Variants in TMEM50A observed in about 807,000 individuals in gnomAD.
The protein encoded by TMEM50A is cervical cancer oncogene 9.
TMEM50A carries 8 observed loss-of-function variants against 23.9 expected under a neutral mutation model. The ratio of observed to expected loss-of-function variants is 0.33; its 90% CI spans 0.20 to 0.60. The LOEUF is 0.60. Among genes scored for constraint, TMEM50A ranks in the 20% least tolerant of loss-of-function variants. The pLI is 0.81. For missense variants in TMEM50A, 178 were observed against 192.7 expected (o/e 0.92, Z 0.45); for synonymous variants, 55 against 60.4 (o/e 0.91, Z 0.41).
At chr1:25,348,756 T>C (rs866064201) in intron 3 of TMEM50A, among the ~76,000 whole-genome samples, 21 of 152,300 alleles carry the variant, frequency 1.4e-4, no homozygotes, top group Middle Eastern at 6.8e-3. Flanking sequence ...ACTATAACAT[T>C]TTGACAGATA....
At chr1:25,352,770 C>A in intron 4 of TMEM50A, 112 bp from the exon 5 acceptor site, 1 of 886,030 alleles carries the variant, frequency 1.1e-6, no homozygotes, top group Non-Finnish European at 1.7e-6. Flanking sequence ...TCACGTTAGA[C>A]TTTAATGGCA....
rs773754427 is a variant in TMEM50A at position 25,343,007 on chromosome 1, C to T, written c.140C>T (p.Pro47Leu). Residue 47 changes from proline (P) to leucine (L), a missense_variant, in exon 3 of 7, where the codon CCC becomes CTC. Pro to Leu is a moderately conservative substitution (Grantham distance 98). Coordinates refer to ENST00000374358, the MANE Select transcript of TMEM50A (RefSeq NM_014313.4). ...ATCATAGATGCAGCTGTTATTTATC[C>T]CACCATGAAAGATTTCAACCACTCA... ...WIIIDAAVIY[P>L]TMKDFNHSYH... 6.2e-7 allele frequency: 1 copy of T among 1,613,350 alleles called. No individual in the cohort carries two copies. The highest frequency in any genetic ancestry group is 8.5e-7 in the Non-Finnish European group (1 of 1,179,730).
chr1:25,359,669 T>C (rs1645373940), intron 6 of TMEM50A, among the ~76,000 whole-genome samples: 1 of 152,206 alleles, frequency 6.6e-6, no homozygotes, highest in Non-Finnish European at 1.5e-5. Context: ...CAAATTCCTG[T>C]CATACTAGTC....
At chr1:25,358,955 A>G (rs1214149657) in intron 6 of TMEM50A, among the ~76,000 whole-genome samples, 4 of 152,202 alleles carry the variant, frequency 2.6e-5, no homozygotes, top group Admixed American at 6.5e-5. Flanking sequence ...GGGTTTTGCC[A>G]TGTTGCCCAG....
At position 25,342,996 on chromosome 1, in the gene TMEM50A, T is replaced by C; in HGVS notation, c.129T>C (p.Ala43=). 1 of 1,613,812 alleles carries C rather than the reference T, an allele frequency of 6.2e-7. No homozygotes were observed. ...GCTGGTGGATTATCATAGATGCAGC[T>C]GTTATTTATCCCACCATGAAAGATT... is the stretch of plus-strand genomic sequence containing the variant. The part of the protein sequence containing the change: ...FTGWWIIIDA[A]VIYPTMKDFN... Residue 43 remains alanine (A), a synonymous_variant, in exon 3 of 7, where the codon GCT becomes GCC. Coordinates refer to ENST00000374358, the MANE Select transcript of TMEM50A (RefSeq NM_014313.4).
intron 3 of TMEM50A, among the ~76,000 whole-genome samples, chr1:25,347,518 G>A (rs747646461): frequency 2.1e-4 from 32 of 152,166 alleles, no homozygotes; most frequent in Admixed American, 7.2e-4. Flanking sequence ...GATGACAAGC[G>A]TGAGCCACCA....
intron 3 of TMEM50A, among the ~76,000 whole-genome samples, chr1:25,349,228 G>A (rs1331753140): frequency 6.6e-6 from 1 of 152,178 alleles, no homozygotes; most frequent in African/African-American, 2.4e-5. Flanking sequence ...AATACCAGAC[G>A]TTTCAGTAAA....
Position 25,360,651 on chromosome 1 carries a change from T to C in TMEM50A, c.429-9T>C, listed in dbSNP as rs372882309. On this transcript the variant is annotated splice_polypyrimidine_tract_variant and intron_variant, in intron 6 of 6. Transcript: ENST00000374358. Reference sequence around the variant, plus strand: ...GGGAGTCATGTGATATTTCTTGTTTTATTCACAGAGGGCTGGTTTTTAAGT... The same window carrying C: ...GGGAGTCATGTGATATTTCTTGTTTCATTCACAGAGGGCTGGTTTTTAAGT... 1 of 1,614,098 alleles carries C rather than the reference T, an allele frequency of 6.2e-7. No homozygotes were observed.
rs150235941 is a variant in TMEM50A, at chr1:25,350,114, G to A, written c.207-1512G>A. Among the ~76,000 whole-genome samples the A allele has an allele frequency of 3.9e-3, 587 of 152,234 alleles. 2 individuals carry two copies. The highest frequency in any genetic ancestry group is 0.013 in the African/African-American group (520 of 41,536). The stretch of plus-strand genomic sequence containing the variant: ...GATTTTACCACTTGAATCTCTATTC[G>A]ATAATATCTTCAGAGCAAAAAGTTA... On this transcript the variant is annotated intron_variant, in intron 3 of 6. Coordinates refer to ENST00000374358, the MANE Select transcript of TMEM50A (RefSeq NM_014313.4).
Position 25,352,924 on chromosome 1 carries a change from G to C in TMEM50A, c.317G>C (p.Gly106Ala). ...TTCGTTGGTTTCATGTTGGCCTTTG[G>C]ATCTCTGATTGCATCTATGTGGATT... ...WLFVGFMLAF[G>A]SLIASMWILF... The change falls in exon 5 of 7, where the codon GGA becomes GCA. Residue 106 changes from glycine to alanine, a missense_variant. Transcript: ENST00000374358. 6.2e-7 allele frequency: 1 copy of C among 1,613,758 alleles called. No individual in the cohort carries two copies. Among genetic ancestry groups the C allele is most frequent in the South Asian group, 1.1e-5 (1 of 90,988 alleles).
chr1:25,347,239 T>C (rs1645227656), intron 3 of TMEM50A, among the ~76,000 whole-genome samples: 1 of 149,840 alleles, frequency 6.7e-6, no homozygotes, highest in African/African-American at 2.4e-5. Context: ...CTGTAGACCT[T>C]TTTTTTTTTC....
intron 3 of TMEM50A, among the ~76,000 whole-genome samples, 193 bp downstream of exon 3, chr1:25,343,266 A>G (rs1645183238): frequency 6.6e-6 from 1 of 151,706 alleles, no homozygotes; most frequent in African/African-American, 2.4e-5. Context: ...GTACCTCTCC[A>G]CTCCCTCCCA....
At chr1:25,346,149 C>A (rs1253381044) in intron 3 of TMEM50A, among the ~76,000 whole-genome samples, 2 of 152,082 alleles carry the variant, frequency 1.3e-5, no homozygotes, top group African/African-American at 4.8e-5. Flanking sequence ...ATCTGTTAAA[C>A]ATTTTTGCAT....
chr1:25,352,245 C>G (rs866697384), intron 4 of TMEM50A, among the ~76,000 whole-genome samples: 85 of 152,198 alleles, frequency 5.6e-4, no homozygotes, highest in African/African-American at 2.0e-3. Flanking sequence ...GCTGTAATCC[C>G]AGCACTTTGA....
chr1:25,351,920 T>C (rs981297836), intron 4 of TMEM50A, among the ~76,000 whole-genome samples: 14 of 152,218 alleles, frequency 9.2e-5, no homozygotes, highest in Non-Finnish European at 1.0e-4. Context: ...AATGTATTTA[T>C]GCAAATTAAA....
intron 3 of TMEM50A, 132 bp downstream of exon 3, chr1:25,343,205 A>G (rs1349398160): frequency 3.1e-6 from 2 of 654,580 alleles, no homozygotes; most frequent in East Asian, 3.0e-5. Flanking sequence ...AAAGTCACAC[A>G]GTAGAGATGG....
Position 25,340,504 on chromosome 1 carries a change from G to A in TMEM50A, c.18G>A (p.Glu6=). MSGFL[E]GLRCSECIDW... is the part of the protein sequence containing the mutation. ...TGAAAAAAATGTCTGGATTTCTAGA[G>A]GGCTTGAGATGCTCAGAATGCATTG... Residue 6 remains glutamate (E), a synonymous_variant, in exon 2 of 7, where the codon GAG becomes GAA. Transcript: ENST00000374358. 3 of 1,613,060 alleles carry A rather than the reference G, an allele frequency of 1.9e-6. No homozygotes were observed. The highest frequency in any genetic ancestry group is 2.5e-6 in the Non-Finnish European group (3 of 1,179,650).
At chr1:25,339,512 A>G (rs1312338438) in intron 1 of TMEM50A, among the ~76,000 whole-genome samples, 2 of 152,234 alleles carry the variant, frequency 1.3e-5, no homozygotes, top group African/African-American at 4.8e-5. Flanking sequence ...ATGAAGTGAA[A>G]GGAAATGATG....
chr1:25,340,403 T>A, intron 1 of TMEM50A, 71 bp from the exon 2 acceptor site: 1 of 973,824 alleles, frequency 1.0e-6, no homozygotes. Context: ...TCCTGAGCTA[T>A]TAATTATTTT....
Sources: allele counts gnomAD v4.1 joint callset (sites outside exome capture counted in the v4.1 genomes callset), GRCh38; gene constraint gnomAD v4.1.1; transcripts MANE v1.5; gene names NCBI Gene and HGNC (gene_info 2026-07-23, HGNC 2026-07-21).